The following CFAP54 variants were observed in gnomAD, a reference collection of about 807,000 sequenced individuals.
The protein encoded by CFAP54 is cilia and flagella associated protein 54, also known as cilia- and flagella-associated protein 54.
Under a neutral mutation model 370.4 loss-of-function variants are expected in CFAP54, and 290 were observed. The ratio of observed to expected loss-of-function variants is 0.78; its 90% CI spans 0.71 to 0.86. The LOEUF (loss-of-function observed/expected upper bound fraction) is 0.86. Among genes scored for constraint, CFAP54 ranks in the 40% least tolerant of loss-of-function variants. The probability of loss-of-function intolerance (pLI) is 0.00; values close to 1 mark genes in which losing one functional copy is unlikely to be tolerated. For synonymous variants in CFAP54, 1,206 were observed against 1,236.5 expected (o/e 0.98, Z 0.52); for missense variants, 3,399 against 3,528.7 (o/e 0.96, Z 0.93).
At chr12:96,530,879 G>A (rs1182327178) in intron 9 of CFAP54, among the ~76,000 whole-genome samples, 1 of 152,220 alleles carries the variant, frequency 6.6e-6, no homozygotes, top group Non-Finnish European at 1.5e-5. Context: ...TCTGATAGGT[G>A]TGTAGTAATA....
chr12:96,671,416 T>C (rs1249663407), intron 39 of CFAP54, among the ~76,000 whole-genome samples: 1 of 152,238 alleles, frequency 6.6e-6, no homozygotes, highest in Non-Finnish European at 1.5e-5. Flanking sequence ...TATTGATAAC[T>C]AATCTGTTCC....
intron 32 of CFAP54, among the ~76,000 whole-genome samples, chr12:96,643,405 G>A (rs11108606): frequency 0.026 from 10 of 390 alleles, no homozygotes; most frequent in East Asian, 0.1. Context: ...GTATGTGTGT[G>A]TGTGTGTGTG....
intron 38 of CFAP54, among the ~76,000 whole-genome samples, chr12:96,658,726 G>A (rs1305966425): frequency 6.6e-6 from 1 of 151,394 alleles, no homozygotes; most frequent in African/African-American, 2.4e-5. Flanking sequence ...CTTCCTTAGT[G>A]TGTTAATTCA....
In CFAP54 at chr12:96,693,739, A is replaced by G. The variant is rs1957412637; in HGVS notation, c.6282A>G (p.Ala2094=). Residue 2094 remains alanine (A), a synonymous_variant, in exon 45 of 68, where the codon GCA becomes GCG. Transcript: ENST00000524981. ...RQNLIVLPLL[A]LYQYFVSGIC... ...CCTGATAGGTTCTGCCTCTCCTTGC[A>G]TTGTATCAATATTTTGTTTCTGGAA... 1.3e-6 allele frequency: 2 copies of G among 1,593,366 alleles called. No homozygotes were observed. Among genetic ancestry groups the G allele is most frequent in the South Asian group, 1.1e-5 (1 of 89,470 alleles).
At chr12:96,583,833 CCAATCTATTAA>C (rs1297108824) in intron 22 of CFAP54, among the ~76,000 whole-genome samples, 2 of 152,196 alleles carry the variant, frequency 1.3e-5, no homozygotes, top group Non-Finnish European at 2.9e-5. Context: ...CTGCATCTCT[CCAATCTATTAA>C]GTGACCCTCT....
intron 9 of CFAP54, among the ~76,000 whole-genome samples, chr12:96,532,440 T>G (rs1466265406): frequency 1.3e-5 from 2 of 152,190 alleles, no homozygotes; most frequent in Non-Finnish European, 2.9e-5. Context: ...GGCTCTTCTC[T>G]TCCTAAGAAA....
intron 66 of CFAP54, among the ~76,000 whole-genome samples, chr12:96,853,554 A>T (rs561723953): frequency 1.3e-5 from 2 of 152,168 alleles, no homozygotes; most frequent in Non-Finnish European, 2.9e-5. Flanking sequence ...ATTTTTACTT[A>T]AAAGAATTTT....
At chr12:96,663,764 T>A in intron 38 of CFAP54, 66 bp from the exon 39 acceptor site, 1 of 1,159,822 alleles carries the variant, frequency 8.6e-7, no homozygotes, top group Non-Finnish European at 1.3e-6. Flanking sequence ...GAGAAACATT[T>A]CAAGTAAGCG....
intron 66 of CFAP54, among the ~76,000 whole-genome samples, chr12:96,838,905 A>C (rs1472771259): frequency 6.6e-6 from 1 of 152,224 alleles, no homozygotes; most frequent in Non-Finnish European, 1.5e-5. Flanking sequence ...GACTTGCCCA[A>C]AGCCACACAG....
At chr12:96,528,690 A>G (rs1394300763) in intron 9 of CFAP54, among the ~76,000 whole-genome samples, 1 of 152,090 alleles carries the variant, frequency 6.6e-6, no homozygotes, top group Non-Finnish European at 1.5e-5. Flanking sequence ...CATCAATTTC[A>G]CCAGGGGTCC....
At chr12:96,696,079 T>C (rs908838528) in intron 45 of CFAP54, among the ~76,000 whole-genome samples, 1 of 151,794 alleles carries the variant, frequency 6.6e-6, no homozygotes, top group Non-Finnish European at 1.5e-5. Flanking sequence ...TTGAAAAGAG[T>C]AGAATTCATG....
At chr12:96,716,413 A>AT (rs1957679870) in intron 48 of CFAP54, among the ~76,000 whole-genome samples, 1 of 152,220 alleles carries the variant, frequency 6.6e-6, no homozygotes. Context: ...TCCAGAAAGC[A>AT]TTTTTTGGTA....
At chr12:96,717,173 G>A (rs1283940910) in intron 48 of CFAP54, among the ~76,000 whole-genome samples, 1 of 152,194 alleles carries the variant, frequency 6.6e-6, no homozygotes, top group South Asian at 2.1e-4. Context: ...TCTTCCTAGG[G>A]TCTTTTGTAT....
Position 96,792,482 on chromosome 12 carries a change from A to G in CFAP54, c.8833A>G (p.Lys2945Glu). The G allele has an allele frequency of 6.5e-7, 1 of 1,534,952 alleles. No individual in the cohort carries two copies. Among genetic ancestry groups the G allele is most frequent in the Non-Finnish European group, 8.7e-7 (1 of 1,146,176 alleles). The change falls in exon 63 of 68, where the codon AAG becomes GAG. Residue 2945 changes from lysine (K) to glutamate (E), a missense_variant. Transcript: ENST00000524981. Reference protein sequence around the residue: ...WYIPPLDRPPKETEPMVLLLY... With the variant: ...WYIPPLDRPPEETEPMVLLLY... ...CATTCCTCCCCTGGATAGACCTCCC[A>G]AGGAGACAGAACCTATGGTATGTAA... is the stretch of plus-strand genomic sequence containing the variant.
intron 16 of CFAP54, 84 bp from the exon 17 acceptor site, chr12:96,554,592 T>A (rs1205395738): frequency 7.6e-7 from 1 of 1,311,088 alleles, no homozygotes; most frequent in African/African-American, 1.5e-5. Context: ...AAGATGATGA[T>A]AACTTGAGTG....
intron 11 of CFAP54, among the ~76,000 whole-genome samples, chr12:96,534,670 AG>A (rs1211077731): frequency 6.6e-6 from 1 of 152,132 alleles, no homozygotes; most frequent in Non-Finnish European, 1.5e-5. Flanking sequence ...AAATCCTAAA[AG>A]TTATTGTGTG....
chr12:96,800,651 A>G (rs1281922446), intron 63 of CFAP54, among the ~76,000 whole-genome samples: 1 of 152,188 alleles, frequency 6.6e-6, no homozygotes, highest in Non-Finnish European at 1.5e-5. Context: ...TTAAGCATTC[A>G]TCTACTCATC....
At chr12:96,584,341 G>A (rs931942632) in intron 22 of CFAP54, among the ~76,000 whole-genome samples, 6 of 152,118 alleles carry the variant, frequency 3.9e-5, no homozygotes, top group African/African-American at 1.4e-4. Flanking sequence ...GCACGCACCT[G>A]TAATCCCAGC....
At chr12:96,735,422 A>G (rs926500551) in intron 50 of CFAP54, among the ~76,000 whole-genome samples, 13 of 152,188 alleles carry the variant, frequency 8.5e-5, no homozygotes, top group African/African-American at 3.1e-4. Flanking sequence ...CTCGGCAGAT[A>G]CCCTAACACT....
Sources: gnomAD v4.1 joint callset for allele counts (sites outside exome capture counted in the v4.1 genomes callset) on GRCh38, gnomAD v4.1.1 for gene constraint, MANE v1.5 for transcripts, NCBI Gene and HGNC (gene_info 2026-07-23, HGNC 2026-07-21) for gene names.